Variants in NR1I2 observed in about 807,000 individuals in gnomAD.
NR1I2 encodes the protein orphan nuclear receptor PAR1.
In NR1I2, 42 loss-of-function variants were observed where a neutral mutation model predicts 43.3. The observed-to-expected ratio is 0.97, with a 90% confidence interval of 0.76 to 1.26. The LOEUF is 1.26. Ranked by LOEUF, NR1I2 falls within the 50% of genes most tolerant of loss-of-function variation. The pLI is 0.00. For synonymous variants in NR1I2, 229 were observed against 215.0 expected (o/e 1.06, Z -0.57); for missense variants, 559 against 566.7 (o/e 0.99, Z 0.14).
At chr3:119,815,162 A>G in intron 6 of NR1I2, 41 bp downstream of exon 6, 1 of 1,613,744 alleles carries the variant, frequency 6.2e-7, no homozygotes, top group Non-Finnish European at 8.5e-7. Context: ...AGGGAGGGAA[A>G]CACTGCAGTT....
intron 2 of NR1I2, among the ~76,000 whole-genome samples, chr3:119,809,772 A>C (rs2055211264): frequency 6.6e-6 from 1 of 152,122 alleles, no homozygotes; most frequent in Admixed American, 6.5e-5. Flanking sequence ...AGTGTCCCTG[A>C]AAGTGGTTTT....
At chr3:119,782,887 T>G in intron 1 of NR1I2, 1 of 1,540,716 alleles carries the variant, frequency 6.5e-7, no homozygotes, top group Non-Finnish European at 9.0e-7. Context: ...AAAGGGCACC[T>G]TGTCCCACAG....
Position 119,817,144 on chromosome 3 carries a change from C to T in NR1I2, c.1237C>T (p.Arg413Cys), listed in dbSNP as rs377445958. The T allele has an allele frequency of 2.8e-5, 46 of 1,614,058 alleles. No individual in the cohort carries two copies. Among genetic ancestry groups the T allele is most frequent in the Middle Eastern group, 1.6e-4 (1 of 6,084 alleles). ...TGCTCAGCACACCCAGCGGCTGCTG[C>T]GCATCCAGGACATACACCCCTTTGC... The change falls in exon 9 of 9, where the codon CGC (arginine) becomes TGC (cysteine). Residue 413 changes from arginine (R) to cysteine (C), a missense_variant. Physicochemically the swap from Arg to Cys is radical, Grantham distance 180. This residue lies in a region of NR1I2 where 323 missense variants were observed against 312.2 expected (regional missense o/e 1.03). Transcript: ENST00000393716.
At chr3:119,795,437 GTCTGCCTT>G (rs2054984966) in intron 1 of NR1I2, among the ~76,000 whole-genome samples, 1 of 152,184 alleles carries the variant, frequency 6.6e-6, no homozygotes, top group East Asian at 1.9e-4. Flanking sequence ...ACTGCTGGGT[GTCTGCCTT>G]TCCTTGTGAC....
At chr3:119,817,044 A>G (rs778704204) in intron 8 of NR1I2, 24 bp from the exon 9 acceptor site, 2 of 1,613,994 alleles carry the variant, frequency 1.2e-6, no homozygotes, top group Non-Finnish European at 1.7e-6. Context: ...TGCACCCACA[A>G]TCTTTTCTCT....
intron 1 of NR1I2, among the ~76,000 whole-genome samples, chr3:119,805,804 A>C (rs2461817): frequency 0.55 from 83,264 of 150,808 alleles, 23,668 homozygotes; most frequent in East Asian, 0.63. Flanking sequence ...TTTAAATCTT[A>C]AATCAACTTT....
At chr3:119,785,308 T>A (rs540949793) in intron 1 of NR1I2, among the ~76,000 whole-genome samples, 1 of 152,340 alleles carries the variant, frequency 6.6e-6, no homozygotes, top group African/African-American at 2.4e-5. Flanking sequence ...AGATTGAAAT[T>A]GTTTTCCTCT....
intron 3 of NR1I2, 57 bp from the exon 4 acceptor site, chr3:119,811,482 G>T: frequency 2.0e-6 from 3 of 1,529,282 alleles, no homozygotes; most frequent in Non-Finnish European, 2.7e-6. Context: ...GGCTCTCCAG[G>T]GGGCTGGAGG....
intron 1 of NR1I2, among the ~76,000 whole-genome samples, chr3:119,787,697 G>A (rs1229964017): frequency 1.5e-5 from 2 of 129,930 alleles, no homozygotes; most frequent in Non-Finnish European, 3.4e-5. Context: ...GTGTGTGTGT[G>A]TGTGTGTGTG....
In NR1I2 at chr3:119,815,848, G is replaced by A; in HGVS notation, c.1160+17G>A. ...TGCTCATAGGTGAGCACAGCAGGGG[G>A]TGAGGACCCGTGAGGGTGATGTGAG... On this transcript the variant is annotated intron_variant, in intron 8 of 8. Transcript: ENST00000393716. 2 of 1,566,978 alleles carry A rather than the reference G, an allele frequency of 1.3e-6. No individual in the cohort carries two copies. The highest frequency in any genetic ancestry group is 1.7e-6 in the Non-Finnish European group (2 of 1,147,796).
At chr3:119,816,648 C>T (rs2055333036) in intron 8 of NR1I2, among the ~76,000 whole-genome samples, 1 of 152,014 alleles carries the variant, frequency 6.6e-6, no homozygotes, top group South Asian at 2.1e-4. Flanking sequence ...TAGCCAGACC[C>T]CAACTCTAGA....
chr3:119,792,316 A>G, intron 1 of NR1I2: 2 of 1,438,382 alleles, frequency 1.4e-6, no homozygotes, highest in South Asian at 1.2e-5. Context: ...CTCATCCTGG[A>G]TGATGTGTCT....
At chr3:119,782,431 C>T in intron 1 of NR1I2, 131 bp downstream of exon 1, 1 of 312,716 alleles carries the variant, frequency 3.2e-6, no homozygotes, top group South Asian at 3.9e-5. Context: ...TCATGTTGGC[C>T]TTGCTGCTGT....
At chr3:119,798,923 C>T (rs2055039215) in intron 1 of NR1I2, among the ~76,000 whole-genome samples, 1 of 152,160 alleles carries the variant, frequency 6.6e-6, no homozygotes, top group South Asian at 2.1e-4. Context: ...CAGGTGCATT[C>T]CACATTTTAT....
chr3:119,817,017 T>C, intron 8 of NR1I2, 51 bp from the exon 9 acceptor site: 1 of 1,612,790 alleles, frequency 6.2e-7, no homozygotes, highest in Non-Finnish European at 8.5e-7. Context: ...CCCTGAGGCT[T>C]GTGGGTCAGG....
chr3:119,810,018 G>A (rs1268458878), intron 2 of NR1I2, 43 bp from the exon 3 acceptor site: 2 of 1,612,732 alleles, frequency 1.2e-6, no homozygotes, highest in Non-Finnish European at 1.7e-6. Flanking sequence ...CCGAGGGCCC[G>A]GGCACCCGTG....
intron 6 of NR1I2, 87 bp from the exon 7 acceptor site, chr3:119,815,236 T>C (rs892700319): frequency 3.5e-5 from 55 of 1,575,916 alleles, no homozygotes; most frequent in African/African-American, 1.6e-4. Context: ...GAAGATGGAA[T>C]GGTGGAAAAC....
intron 2 of NR1I2, among the ~76,000 whole-genome samples, chr3:119,809,230 A>G (rs2461815): frequency 0.96 from 146,760 of 152,232 alleles, 70,959 homozygotes; most frequent in East Asian, 1. Flanking sequence ...TAAAGGTAGG[A>G]CTGCACTGAC....
chr3:119,803,195 G>C (rs2055103852), intron 1 of NR1I2, among the ~76,000 whole-genome samples: 1 of 152,012 alleles, frequency 6.6e-6, no homozygotes, highest in African/African-American at 2.4e-5. Context: ...AAAGTAGCTG[G>C]GTATGGTGGC....
Sources: gnomAD v4.1 joint callset for allele counts (sites outside exome capture counted in the v4.1 genomes callset) on GRCh38, gnomAD v4.1.1 for gene constraint, gnomAD v4.1.1 regional missense constraint, MANE v1.5 for transcripts, NCBI Gene and HGNC (gene_info 2026-07-23, HGNC 2026-07-21) for gene names.